The following TBXAS1 variants were observed in gnomAD, a reference collection of about 807,000 sequenced individuals.
TBXAS1 encodes the protein thromboxane A synthase 1.
Under a neutral mutation model 60.7 loss-of-function variants are expected in TBXAS1, and 48 were observed. That is an observed-to-expected ratio of 0.79 (90% CI 0.63 to 1.01). The LOEUF (loss-of-function observed/expected upper bound fraction) is 1.01, where lower values mean the gene tolerates loss of function less well. Ranked by LOEUF, TBXAS1 falls within the 50% of genes least tolerant of loss-of-function variation. The pLI is 0.00. For missense variants in TBXAS1, 685 were observed against 686.3 expected (o/e 1.00, Z 0.02); for synonymous variants, 287 against 269.7 (o/e 1.06, Z -0.63).
At chr7:139,781,837 C>CAA (rs200999267) in intron 2 of TBXAS1, among the ~76,000 whole-genome samples, 3,316 of 64,908 alleles carry the variant, frequency 0.051, 321 homozygotes, top group African/African-American at 0.16. Context: ...AATTCCATCT[C>CAA]AAAAAAAAAA....
intron 9 of TBXAS1, among the ~76,000 whole-genome samples, chr7:139,986,799 G>GTATATATA (rs58751653): frequency 4.8e-5 from 4 of 82,656 alleles, no homozygotes; most frequent in African/African-American, 1.8e-4. Flanking sequence ...GTGTGTGTGT[G>GTATATATA]TATATATATA....
Position 139,872,290 on chromosome 7 carries a change from C to T in TBXAS1, c.145C>T (p.Pro49Ser). Residue 49 changes from proline to serine, a missense_variant, in exon 2 of 13, where the codon CCT becomes TCT. Coordinates refer to ENST00000448866, the MANE Select transcript of TBXAS1 (RefSeq NM_001061.7). Reference sequence around the variant, plus strand: ...GAAGTTAGGCCTCAGACATCCCAAGCCTTCTCCTTTCATTGGAAACTTGAC... The same window carrying T: ...GAAGTTAGGCCTCAGACATCCCAAGTCTTCTCCTTTCATTGGAAACTTGAC... ...LEKLGLRHPK[P>S]SPFIGNLTFF... 6.2e-7 allele frequency: 1 copy of T among 1,614,084 alleles called. No individual in the cohort carries two copies. Among genetic ancestry groups the T allele is most frequent in the South Asian group, 1.1e-5 (1 of 91,088 alleles).
chr7:139,908,701 A>G (rs1805294005), intron 3 of TBXAS1, among the ~76,000 whole-genome samples: 1 of 152,186 alleles, frequency 6.6e-6, no homozygotes, highest in Non-Finnish European at 1.5e-5. Context: ...TGCTTCAACC[A>G]TCAAGAATGA....
intron 1 of TBXAS1, among the ~76,000 whole-genome samples, chr7:139,842,721 C>A (rs1188256171): frequency 1.3e-5 from 2 of 152,234 alleles, no homozygotes; most frequent in Non-Finnish European, 2.9e-5. Context: ...CCTCGACTCT[C>A]TCTGTTGCTT....
At chr7:139,985,836 G>C (rs1279739408) in intron 9 of TBXAS1, among the ~76,000 whole-genome samples, 1 of 152,214 alleles carries the variant, frequency 6.6e-6, no homozygotes, top group Non-Finnish European at 1.5e-5. Context: ...GGCGCTTACA[G>C]ACTCGGGTGC....
At chr7:139,925,509 T>C (rs1381709901) in intron 4 of TBXAS1, among the ~76,000 whole-genome samples, 1 of 152,248 alleles carries the variant, frequency 6.6e-6, no homozygotes, top group Admixed American at 6.5e-5. Flanking sequence ...CCTGCAACTT[T>C]ACTGAATTCA....
chr7:139,933,027 C>A (rs893791490), intron 4 of TBXAS1, among the ~76,000 whole-genome samples: 1 of 152,124 alleles, frequency 6.6e-6, no homozygotes, highest in African/African-American at 2.4e-5. Flanking sequence ...AATGCACTAC[C>A]GCCTGGGTGA....
chr7:139,964,975 T>G (rs1810669589), intron 9 of TBXAS1, among the ~76,000 whole-genome samples: 2 of 152,142 alleles, frequency 1.3e-5, no homozygotes. Flanking sequence ...TCCCAGCACT[T>G]TGGGAGGCCG....
At chr7:140,009,934 C>G (rs1585052249) in intron 10 of TBXAS1, among the ~76,000 whole-genome samples, 1 of 49,818 alleles carries the variant, frequency 2.0e-5, no homozygotes, top group African/African-American at 1.0e-4. Context: ...CTGCCCCACA[C>G]CTGCCCCGCA....
intron 4 of TBXAS1, among the ~76,000 whole-genome samples, chr7:139,919,926 C>G (rs1806320232): frequency 6.6e-6 from 1 of 152,244 alleles, no homozygotes; most frequent in South Asian, 2.1e-4. Context: ...CACTCCCACC[C>G]TCCATTCTTT....
At chr7:139,806,225 C>G (rs1293332166) in intron 4 of TBXAS1, among the ~76,000 whole-genome samples, 1 of 147,454 alleles carries the variant, frequency 6.8e-6, no homozygotes, top group Non-Finnish European at 1.5e-5. Flanking sequence ...AGGCATGAGC[C>G]ACTGTGCCTG....
At chr7:139,844,095 A>G (rs183466336) in intron 1 of TBXAS1, among the ~76,000 whole-genome samples, 28 of 152,308 alleles carry the variant, frequency 1.8e-4, no homozygotes, top group Non-Finnish European at 2.5e-4. Flanking sequence ...GAAATTGAAG[A>G]GCAAGACTGT....
At chr7:139,989,446 C>T (rs575249038) in intron 9 of TBXAS1, among the ~76,000 whole-genome samples, 7 of 152,348 alleles carry the variant, frequency 4.6e-5, no homozygotes, top group Non-Finnish European at 7.3e-5. Context: ...CCATGTCTAA[C>T]GACATCGTGA....
chr7:139,941,531 C>T (rs1252909400), intron 5 of TBXAS1, among the ~76,000 whole-genome samples: 2 of 151,674 alleles, frequency 1.3e-5, no homozygotes, highest in African/African-American at 4.8e-5. Context: ...GAAAAAGAGA[C>T]TATTGGAATC....
chr7:139,796,201 G>T (rs1357907551), intron 4 of TBXAS1, among the ~76,000 whole-genome samples: 1 of 151,992 alleles, frequency 6.6e-6, no homozygotes, highest in African/African-American at 2.4e-5. Flanking sequence ...AGAATTTTTT[G>T]GTATCCTCAT....
intron 5 of TBXAS1, among the ~76,000 whole-genome samples, chr7:139,945,830 T>A (rs2117259666): frequency 6.6e-6 from 1 of 152,228 alleles, no homozygotes; most frequent in East Asian, 1.9e-4. Flanking sequence ...GATCAAGGTG[T>A]CTTGGAGTAG....
chr7:139,796,472 G>T (rs1257305615), intron 4 of TBXAS1, among the ~76,000 whole-genome samples: 1 of 152,228 alleles, frequency 6.6e-6, no homozygotes, highest in African/African-American at 2.4e-5. Context: ...TGGTTTCCCA[G>T]GATCTGGGGG....
intron 4 of TBXAS1, among the ~76,000 whole-genome samples, chr7:139,932,107 C>T (rs755476821): frequency 7.0e-6 from 1 of 142,308 alleles, no homozygotes; most frequent in African/African-American, 2.7e-5. Context: ...GCGGAGCTTG[C>T]AGTGATCCAA....
chr7:139,917,294 C>T (rs891434413), intron 4 of TBXAS1, among the ~76,000 whole-genome samples: 10 of 152,188 alleles, frequency 6.6e-5, no homozygotes, highest in Admixed American at 6.5e-5. Context: ...ATGTGACCTC[C>T]GTCTCCTTCT....
Sources: gnomAD v4.1 joint callset for allele counts (sites outside exome capture counted in the v4.1 genomes callset) on GRCh38, gnomAD v4.1.1 for gene constraint, MANE v1.5 for transcripts, NCBI Gene and HGNC (gene_info 2026-07-23, HGNC 2026-07-21) for gene names.